GUCA1C: variants seen among roughly 807,000 people sequenced by gnomAD.
The protein encoded by GUCA1C is guanylyl cyclase-activating protein 3.
In GUCA1C, 15 loss-of-function variants were observed where a neutral mutation model predicts 16.2. That is an observed-to-expected ratio of 0.93 (90% CI 0.62 to 1.43). The LOEUF (loss-of-function observed/expected upper bound fraction) is 1.43, where lower values mean the gene tolerates loss of function less well. Ranked by LOEUF, GUCA1C falls within the 40% of genes most tolerant of loss-of-function variation. GUCA1C has a pLI of 0.00. For synonymous variants in GUCA1C, 78 were observed against 85.4 expected (o/e 0.91, Z 0.48); for missense variants, 275 against 244.8 (o/e 1.12, Z -0.82).
intron 3 of GUCA1C, among the ~76,000 whole-genome samples, chr3:108,915,522 A>T (rs1055979979): frequency 6.6e-6 from 1 of 152,158 alleles, no homozygotes; most frequent in African/African-American, 2.4e-5. Flanking sequence ...CCTCTGAAGA[A>T]GAAAGGTACC....
intron 3 of GUCA1C, among the ~76,000 whole-genome samples, chr3:108,910,633 C>G (rs1242783891): frequency 6.6e-6 from 1 of 151,950 alleles, no homozygotes; most frequent in Non-Finnish European, 1.5e-5. Flanking sequence ...TATACAGACA[C>G]ATTTCAATTT....
chr3:108,923,806 T>C (rs1946593248), intron 1 of GUCA1C, among the ~76,000 whole-genome samples: 1 of 152,222 alleles, frequency 6.6e-6, no homozygotes, highest in African/African-American at 2.4e-5. Flanking sequence ...TTTCATTTGT[T>C]TGTGTCATCA....
chr3:108,938,493 A>G (rs2107307485), intron 1 of GUCA1C, among the ~76,000 whole-genome samples: 1 of 152,366 alleles, frequency 6.6e-6, no homozygotes, highest in Middle Eastern at 3.4e-3. Context: ...TTTACATTTT[A>G]GGAACTTTAA....
chr3:108,953,466 T>G, intron 1 of GUCA1C, 93 bp downstream of exon 1: 1 of 814,744 alleles, frequency 1.2e-6, no homozygotes, highest in South Asian at 1.6e-5. Flanking sequence ...ATGTACACAT[T>G]TTACTTAAGG....
intron 1 of GUCA1C, among the ~76,000 whole-genome samples, chr3:108,946,314 T>A (rs187983745): frequency 6.6e-6 from 1 of 152,038 alleles, no homozygotes; most frequent in African/African-American, 2.4e-5. Flanking sequence ...GCGTTTTTTT[T>A]AGAGACAAGG....
chr3:108,936,718 G>C (rs780711800), intron 1 of GUCA1C, among the ~76,000 whole-genome samples: 1 of 152,208 alleles, frequency 6.6e-6, no homozygotes, highest in Non-Finnish European at 1.5e-5. Context: ...AGACAGAATT[G>C]TATAAAGTAA....
chr3:108,912,122 A>AATAATAATAATAATCATCATCATC lies in GUCA1C; in HGVS notation c.443-3914_443-3913insGATGATGATGATTATTATTATTAT, dbSNP rs762101057. Among the ~76,000 whole-genome samples, 41 of 147,740 alleles carry AATAATAATAATAATCATCATCATC rather than the reference A, an allele frequency of 2.8e-4. 1 individual carries two copies. Among genetic ancestry groups the AATAATAATAATAATCATCATCATC allele is most frequent in the Middle Eastern group, 3.5e-3 (1 of 282 alleles). ...CCGTCTCAATAATAATAATAATAAT[A>AATAATAATAATAATCATCATCATC]ATCACCCTTTTCATTTCCTGTTTGG... On this transcript the variant is annotated intron_variant, in intron 3 of 3. Transcript: ENST00000261047.
At chr3:108,954,027 C>A (rs1946926281), upstream of GUCA1C, 2 of 458,500 alleles carry the variant, frequency 4.4e-6, no homozygotes, top group South Asian at 3.5e-5. Flanking sequence ...AGGGAACACG[C>A]AATATTTTAG....
At chr3:108,911,718 T>C (rs1445782051) in intron 3 of GUCA1C, among the ~76,000 whole-genome samples, 1 of 152,222 alleles carries the variant, frequency 6.6e-6, no homozygotes, top group Non-Finnish European at 1.5e-5. Flanking sequence ...TTCACAATAT[T>C]CCAGTCTAAA....
chr3:108,925,680 ACTTT>A (rs1439173576), intron 1 of GUCA1C, among the ~76,000 whole-genome samples: 11 of 152,110 alleles, frequency 7.2e-5, no homozygotes, highest in African/African-American at 2.7e-4. Flanking sequence ...TTCTTTGTTG[ACTTT>A]CTGTCTTAAT....
chr3:108,949,008 C>A (rs377186362), intron 1 of GUCA1C, among the ~76,000 whole-genome samples: 1 of 151,978 alleles, frequency 6.6e-6, no homozygotes, highest in South Asian at 2.1e-4. Context: ...CCACCACGCC[C>A]GGCTAATTTT....
intron 1 of GUCA1C, among the ~76,000 whole-genome samples, chr3:108,931,107 G>A (rs1028537701): frequency 6.6e-6 from 1 of 152,112 alleles, no homozygotes; most frequent in African/African-American, 2.4e-5. Flanking sequence ...AGAGTCACAG[G>A]AGCATCCTCC....
At chr3:108,945,323 T>C (rs1281380502) in intron 1 of GUCA1C, among the ~76,000 whole-genome samples, 1 of 152,264 alleles carries the variant, frequency 6.6e-6, no homozygotes, top group Non-Finnish European at 1.5e-5. Flanking sequence ...GCGTTGGCAG[T>C]GGTAGTTGCT....
At chr3:108,922,154 TACACAAACACACACACACAC>T (rs376642972) in intron 1 of GUCA1C, among the ~76,000 whole-genome samples, 40,490 of 90,922 alleles carry the variant, frequency 0.45, 5,517 homozygotes, top group Non-Finnish European at 0.48. Context: ...CACACACACA[TACACAAACACACACACACAC>T]ACACACACAC....
intron 1 of GUCA1C, among the ~76,000 whole-genome samples, chr3:108,944,348 T>C (rs1333732354): frequency 2.0e-5 from 3 of 151,698 alleles, no homozygotes; most frequent in Admixed American, 1.3e-4. Flanking sequence ...CTAGAGAATC[T>C]GGGAGTGGCC....
At chr3:108,916,461 T>C (rs1946516905) in intron 2 of GUCA1C, among the ~76,000 whole-genome samples, 2 of 152,284 alleles carry the variant, frequency 1.3e-5, no homozygotes, top group East Asian at 1.9e-4. Context: ...CCATTCAACA[T>C]ATTAGATCAC....
intron 1 of GUCA1C, among the ~76,000 whole-genome samples, chr3:108,947,745 C>G (rs1175168628): frequency 6.6e-6 from 1 of 152,024 alleles, no homozygotes; most frequent in Non-Finnish European, 1.5e-5. Flanking sequence ...ATTGCTGAAG[C>G]TGGGTGATGG....
At chr3:108,915,820 A>C (rs535373976) in intron 3 of GUCA1C, 1 of 392,702 alleles carries the variant, frequency 2.5e-6, no homozygotes, top group East Asian at 3.7e-5. Flanking sequence ...TGATTAATAG[A>C]ATGTGTCTCA....
chr3:108,919,524 C>T (rs1263687714), intron 2 of GUCA1C, among the ~76,000 whole-genome samples: 1 of 152,142 alleles, frequency 6.6e-6, no homozygotes, highest in Non-Finnish European at 1.5e-5. Context: ...GAAATTAAAA[C>T]ATTAGCAATA....
Sources: allele counts gnomAD v4.1 joint callset (sites outside exome capture counted in the v4.1 genomes callset), GRCh38; gene constraint gnomAD v4.1.1; transcripts MANE v1.5; gene names NCBI Gene and HGNC (gene_info 2026-07-23, HGNC 2026-07-21).